TENM2: variants seen among roughly 807,000 people sequenced by gnomAD.
The protein encoded by TENM2 is teneurin transmembrane protein 2, also known as teneurin-2.
Under a neutral mutation model 245.2 loss-of-function variants are expected in TENM2, and 52 were observed. The ratio of observed to expected loss-of-function variants is 0.21; its 90% confidence interval spans 0.17 to 0.27. TENM2 has a LOEUF of 0.27. TENM2 is among the 10% of genes least tolerant of loss of function. The pLI, the probability that TENM2 is intolerant of heterozygous loss-of-function variation, is 1.00. For missense variants in TENM2, 3,046 were observed against 3,666.8 expected (o/e 0.83, Z 4.37); for synonymous variants, 1,363 against 1,438.9 (o/e 0.95, Z 1.19).
the TENM2 span, among the ~76,000 whole-genome samples, chr5:167,044,020 A>T: frequency 7.9e-6 from 1 of 126,912 alleles, no homozygotes; most frequent in Non-Finnish European, 1.8e-5. Flanking sequence ...CTGCATCTCA[A>T]ATAAATAGTA....
At chr5:168,179,714 AC>A (rs1759685279) in intron 13 of TENM2, among the ~76,000 whole-genome samples, 1 of 152,130 alleles carries the variant, frequency 6.6e-6, no homozygotes, top group African/African-American at 2.4e-5. Flanking sequence ...ACCCAGTCCT[AC>A]CACTTAAAAA....
chr5:167,321,486 G>A (rs1756718248), intron 1 of TENM2, among the ~76,000 whole-genome samples: 1 of 152,074 alleles, frequency 6.6e-6, no homozygotes, highest in Non-Finnish European at 1.5e-5. Flanking sequence ...TTTATCACCA[G>A]CTTCAAGGTA....
intron 1 of TENM2, chr5:167,307,884 GC>G (rs1427423430): frequency 2.0e-5 from 3 of 152,212 alleles, no homozygotes; most frequent in African/African-American, 7.2e-5. Flanking sequence ...ATCTTTTGTG[GC>G]TAGCTCCTTT....
chr5:167,887,395 G>A (rs1383668771), intron 3 of TENM2, among the ~76,000 whole-genome samples: 1 of 152,190 alleles, frequency 6.6e-6, no homozygotes, highest in African/African-American at 2.4e-5. Context: ...TTAGAGTGGG[G>A]CAACAAAAAG....
At chr5:167,042,881 T>C in the TENM2 span, among the ~76,000 whole-genome samples, 1 of 152,208 alleles carries the variant, frequency 6.6e-6, no homozygotes, top group Non-Finnish European at 1.5e-5. Context: ...CGGAACAAAG[T>C]AGATGATTGA....
At chr5:167,025,252 T>C in the TENM2 span, among the ~76,000 whole-genome samples, 1 of 152,192 alleles carries the variant, frequency 6.6e-6, no homozygotes, top group South Asian at 2.1e-4. Flanking sequence ...ATTAAAAATA[T>C]TTAAAATATT....
chr5:167,881,463 C>T (rs1336263780), intron 3 of TENM2, among the ~76,000 whole-genome samples: 1 of 152,216 alleles, frequency 6.6e-6, no homozygotes, highest in African/African-American at 2.4e-5. Flanking sequence ...ATAGTAGACA[C>T]TCCGTAAGTA....
chr5:168,225,531 C>T (rs1437606623), intron 23 of TENM2, among the ~76,000 whole-genome samples: 2 of 152,094 alleles, frequency 1.3e-5, no homozygotes, highest in African/African-American at 4.8e-5. Context: ...GAGGCCAAGG[C>T]AGGTGGATCA....
At chr5:167,450,115 T>G (rs908287775) in intron 2 of TENM2, among the ~76,000 whole-genome samples, 6 of 152,220 alleles carry the variant, frequency 3.9e-5, no homozygotes, top group Admixed American at 2.6e-4. Flanking sequence ...TTCTTTCCCC[T>G]GTCTACTGTT....
At chr5:168,183,183 G>T (rs1359900099) in intron 13 of TENM2, among the ~76,000 whole-genome samples, 1 of 152,086 alleles carries the variant, frequency 6.6e-6, no homozygotes, top group Non-Finnish European at 1.5e-5. Flanking sequence ...GTGCATGTAG[G>T]GTCAATAAGA....
At chr5:167,984,470 A>G (rs183839157) in intron 4 of TENM2, among the ~76,000 whole-genome samples, 10 of 152,298 alleles carry the variant, frequency 6.6e-5, no homozygotes, top group Middle Eastern at 3.4e-3. Flanking sequence ...AGCCTAGCCA[A>G]CATGGTGAAA....
At chr5:167,504,504 A>G (rs905759889) in intron 2 of TENM2, among the ~76,000 whole-genome samples, 1 of 152,214 alleles carries the variant, frequency 6.6e-6, no homozygotes, top group African/African-American at 2.4e-5. Flanking sequence ...ATACTTCACA[A>G]TGTTGATTTT....
chr5:167,943,256 A>T (rs1259083969), intron 3 of TENM2, among the ~76,000 whole-genome samples: 1 of 152,032 alleles, frequency 6.6e-6, no homozygotes. Flanking sequence ...TGCTTCGGCC[A>T]CTCTTGGTAT....
the TENM2 span, among the ~76,000 whole-genome samples, chr5:167,140,043 A>G: frequency 2.0e-5 from 3 of 152,208 alleles, no homozygotes; most frequent in Non-Finnish European, 4.4e-5. Flanking sequence ...AGATTTGCCT[A>G]AAGTTACTCA....
intron 2 of TENM2, among the ~76,000 whole-genome samples, chr5:167,810,562 C>G (rs78731809): frequency 0.032 from 4,891 of 151,650 alleles, 132 homozygotes; most frequent in Middle Eastern, 0.041. Flanking sequence ...AGGATTATTG[C>G]TCTCCAGGAA....
intron 2 of TENM2, among the ~76,000 whole-genome samples, chr5:167,745,243 G>A (rs538033194): frequency 1.3e-5 from 2 of 152,338 alleles, no homozygotes; most frequent in East Asian, 3.9e-4. Flanking sequence ...TGTTGTCCAG[G>A]CCCGCATTTC....
At chr5:167,216,576 G>A in the TENM2 span, among the ~76,000 whole-genome samples, 4 of 152,180 alleles carry the variant, frequency 2.6e-5, no homozygotes, top group East Asian at 1.9e-4. Context: ...AATTATTCCC[G>A]GAATGGCTAC....
chr5:167,924,595 T>C (rs1028637883), intron 3 of TENM2, among the ~76,000 whole-genome samples: 6 of 152,180 alleles, frequency 3.9e-5, no homozygotes, highest in African/African-American at 7.2e-5. Flanking sequence ...TCCACTGAAA[T>C]GGATACATCA....
intron 2 of TENM2, among the ~76,000 whole-genome samples, chr5:167,472,075 A>G (rs1281410860): frequency 6.6e-6 from 1 of 152,170 alleles, no homozygotes; most frequent in African/African-American, 2.4e-5. Flanking sequence ...AATTGAGAGT[A>G]GAGGCTCCTG....
Sources: gnomAD v4.1 joint callset for allele counts (sites outside exome capture counted in the v4.1 genomes callset) on GRCh38, gnomAD v4.1.1 for gene constraint, MANE v1.5 for transcripts, NCBI Gene and HGNC (gene_info 2026-07-23, HGNC 2026-07-21) for gene names.